EDIL3: variants seen among roughly 807,000 people sequenced by gnomAD.
EDIL3 encodes the protein EGF like and discoidin domains 3.
A neutral mutation model predicts 67.4 loss-of-function variants in EDIL3; 37 were observed. The observed-to-expected ratio is 0.55, with a 90% CI of 0.42 to 0.72. The LOEUF (loss-of-function observed/expected upper bound fraction) is 0.72. Ranked by LOEUF, EDIL3 falls within the 30% of genes least tolerant of loss-of-function variation. EDIL3 has a pLI of 0.00. For missense variants in EDIL3, 527 were observed against 586.3 expected (o/e 0.90, Z 1.04); for synonymous variants, 195 against 196.3 (o/e 0.99, Z 0.05).
At position 84,320,551 on chromosome 5, in the gene EDIL3, AG is replaced by A. The variant is rs1746615328; in HGVS notation, c.67+63756del. Among the ~76,000 whole-genome samples, 5 of 152,240 alleles carry A rather than the reference AG, an allele frequency of 3.3e-5. No individual in the cohort carries two copies. In the South Asian group the frequency reaches 1.0e-3, roughly 32 times the overall value. ...GCCTCATTGATCAAACATGTCAGTTAGAGACCTGCACACTTAATGAAGATCT... is the reference window on the plus strand; with the variant it reads ...GCCTCATTGATCAAACATGTCAGTTAAGACCTGCACACTTAATGAAGATCT... On this transcript the variant is annotated intron_variant, in intron 1 of 10. Coordinates refer to ENST00000296591, the MANE Select transcript of EDIL3 (RefSeq NM_005711.5).
At chr5:84,372,309 CAT>C (rs1036358757) in intron 1 of EDIL3, among the ~76,000 whole-genome samples, 3 of 152,080 alleles carry the variant, frequency 2.0e-5, no homozygotes, top group South Asian at 2.1e-4. Flanking sequence ...ATATTTGAAA[CAT>C]GTAAACTTGA....
chr5:84,198,263 A>G (rs892307627), intron 3 of EDIL3, among the ~76,000 whole-genome samples: 1 of 151,854 alleles, frequency 6.6e-6, no homozygotes, highest in African/African-American at 2.4e-5. Context: ...AAAACCATGC[A>G]AATGTGTGCA....
chr5:84,106,909 A>AT, intron 5 of EDIL3, 79 bp from the exon 6 acceptor site: 2 of 1,435,752 alleles, frequency 1.4e-6, no homozygotes, highest in Non-Finnish European at 1.9e-6. Context: ...ATTTGATAGG[A>AT]TTTTTTTAAA....
intron 1 of EDIL3, among the ~76,000 whole-genome samples, chr5:84,313,297 G>A (rs1398964776): frequency 2.0e-5 from 3 of 152,168 alleles, no homozygotes; most frequent in Non-Finnish European, 2.9e-5. Flanking sequence ...TGCTATTATA[G>A]TTGCAGAAAA....
intron 4 of EDIL3, among the ~76,000 whole-genome samples, chr5:84,173,836 T>C (rs1748854800): frequency 6.6e-6 from 1 of 152,118 alleles, no homozygotes; most frequent in Admixed American, 6.5e-5. Context: ...ATGGAGGGAT[T>C]GCAGGGCACT....
At chr5:84,333,887 A>G (rs1043310886) in intron 1 of EDIL3, among the ~76,000 whole-genome samples, 2 of 152,110 alleles carry the variant, frequency 1.3e-5, no homozygotes, top group African/African-American at 4.8e-5. Flanking sequence ...AGGGTGTAAC[A>G]TTTTAGGTGA....
At chr5:83,963,096 T>TATATGGATAATATTTTCAGTAC in intron 10 of EDIL3, 109 bp downstream of exon 10, 1 of 1,320,982 alleles carries the variant, frequency 7.6e-7, no homozygotes, top group Non-Finnish European at 1.0e-6. Context: ...ATTTTCAGTA[T>TATATGGATAATATTTTCAGTAC]ATATGGATAC....
At chr5:83,956,494 C>G (rs1381985408) in intron 10 of EDIL3, among the ~76,000 whole-genome samples, 1 of 151,694 alleles carries the variant, frequency 6.6e-6, no homozygotes, top group Admixed American at 6.6e-5. Flanking sequence ...ATGCTGCTTT[C>G]TGAATTCAGT....
intron 1 of EDIL3, among the ~76,000 whole-genome samples, chr5:84,340,182 A>C (rs1318218653): frequency 6.6e-6 from 1 of 151,932 alleles, no homozygotes; most frequent in Non-Finnish European, 1.5e-5. Context: ...AATTATGAAC[A>C]ACAAATCTTG....
rs568742618 is a variant in EDIL3 at position 84,300,348 on chromosome 5, G to T, written c.68-46136C>A. On this transcript the variant is annotated intron_variant, in intron 1 of 10. Transcript: ENST00000296591. ...CAGGTGCTTAGGTTGGTTCCACCTG[G>T]ATACTATAGGATGGTCTTCTTATCT... Among the ~76,000 whole-genome samples the T allele has an allele frequency of 2.0e-5, 3 of 152,214 alleles. No individual in the cohort carries two copies. In the East Asian group the frequency reaches 5.8e-4, roughly 29 times the overall value.
chr5:84,118,232 G>C (rs1747709030), intron 5 of EDIL3, among the ~76,000 whole-genome samples: 1 of 152,096 alleles, frequency 6.6e-6, no homozygotes, highest in South Asian at 2.1e-4. Flanking sequence ...GTGTGAGTGA[G>C]CTAAAAATTG....
At chr5:84,166,209 CA>C (rs1309711599) in intron 4 of EDIL3, among the ~76,000 whole-genome samples, 1 of 152,160 alleles carries the variant, frequency 6.6e-6, no homozygotes, top group Non-Finnish European at 1.5e-5. Flanking sequence ...TGACAATCTC[CA>C]AAAGGAGGAG....
intron 9 of EDIL3, among the ~76,000 whole-genome samples, chr5:83,992,513 G>T (rs113173364): frequency 2.0e-5 from 3 of 152,094 alleles, no homozygotes; most frequent in Admixed American, 1.3e-4. Context: ...ACAAAGCAGC[G>T]AGGAAGAGAA....
At chr5:84,124,244 C>G (rs1747824907) in intron 5 of EDIL3, among the ~76,000 whole-genome samples, 1 of 151,818 alleles carries the variant, frequency 6.6e-6, no homozygotes, top group African/African-American at 2.4e-5. Context: ...CAACCAGACA[C>G]AAGGGAAGAC....
chr5:84,088,788 A>G (rs1181856906), intron 6 of EDIL3, among the ~76,000 whole-genome samples: 1 of 152,192 alleles, frequency 6.6e-6, no homozygotes, highest in Non-Finnish European at 1.5e-5. Flanking sequence ...AGTGATCTAT[A>G]CCAAGTACAC....
chr5:84,303,538 C>A (rs1561250970), intron 1 of EDIL3, among the ~76,000 whole-genome samples: 1 of 152,146 alleles, frequency 6.6e-6, no homozygotes, highest in Non-Finnish European at 1.5e-5. Context: ...ATGGATTAGT[C>A]ATTCTGATTT....
chr5:84,193,111 C>G (rs540369093), intron 3 of EDIL3, among the ~76,000 whole-genome samples: 1 of 152,028 alleles, frequency 6.6e-6, no homozygotes, highest in South Asian at 2.1e-4. Context: ...TAAAACAAAA[C>G]AAAACAGCTT....
chr5:84,230,295 G>A (rs1561228711), intron 2 of EDIL3, among the ~76,000 whole-genome samples: 1 of 152,060 alleles, frequency 6.6e-6, no homozygotes, highest in East Asian at 1.9e-4. Context: ...TTTTCTATTT[G>A]GCAAAGAGGA....
At chr5:84,120,163 T>C (rs925386454) in intron 5 of EDIL3, among the ~76,000 whole-genome samples, 1 of 152,022 alleles carries the variant, frequency 6.6e-6, no homozygotes. Flanking sequence ...TTGCACACCT[T>C]TGCACAAGAG....
Sources: gnomAD v4.1 joint callset for allele counts (sites outside exome capture counted in the v4.1 genomes callset) on GRCh38, gnomAD v4.1.1 for gene constraint, MANE v1.5 for transcripts, NCBI Gene and HGNC (gene_info 2026-07-23, HGNC 2026-07-21) for gene names.